LTBP1: variants seen among roughly 807,000 people sequenced by gnomAD.
LTBP1 encodes the protein latent transforming growth factor beta binding protein 1.
A neutral mutation model predicts 207.6 loss-of-function variants in LTBP1; 129 were observed. The observed-to-expected ratio is 0.62, with a 90% confidence interval of 0.54 to 0.72. The LOEUF (loss-of-function observed/expected upper bound fraction) is 0.72. LTBP1 is among the 30% of genes least tolerant of loss of function. The pLI, the probability that LTBP1 is intolerant of heterozygous loss-of-function variation, is 0.00. For synonymous variants in LTBP1, 963 were observed against 833.7 expected (o/e 1.16, Z -2.67); for missense variants, 2,281 against 2,217.2 (o/e 1.03, Z -0.58).
intron 5 of LTBP1, among the ~76,000 whole-genome samples, chr2:33,152,320 C>T (rs1031845709): frequency 6.6e-6 from 1 of 152,134 alleles, no homozygotes; most frequent in African/African-American, 2.4e-5. Context: ...AAAAAGTACT[C>T]AGCATCACTA....
rs189859198 is a variant in LTBP1 at position 33,362,131 on chromosome 2, C to G, written c.4270+616C>G. Among the ~76,000 whole-genome samples the G allele has an allele frequency of 5.9e-5, 9 of 152,264 alleles. No individual in the cohort carries two copies. In the East Asian group the frequency reaches 1.3e-3, roughly 23 times the overall value. ...ATATCCACATGTATGAATATTTCCTCATTAACCACTCACTTTTGACATTTT... is the reference window on the plus strand; with the variant it reads ...ATATCCACATGTATGAATATTTCCTGATTAACCACTCACTTTTGACATTTT... On this transcript the variant is annotated intron_variant, in intron 28 of 33. Transcript: ENST00000404816.
At chr2:33,334,247 G>A (rs1170388537) in intron 24 of LTBP1, among the ~76,000 whole-genome samples, 1 of 152,190 alleles carries the variant, frequency 6.6e-6, no homozygotes, top group Non-Finnish European at 1.5e-5. Context: ...CAATAGAGAG[G>A]GAAAGAAGGT....
At chr2:33,132,708 G>C (rs772015699) in intron 4 of LTBP1, among the ~76,000 whole-genome samples, 1 of 152,170 alleles carries the variant, frequency 6.6e-6, no homozygotes, top group South Asian at 2.1e-4. Context: ...TAGAACCACC[G>C]GTGAAGGAGA....
intron 5 of LTBP1, among the ~76,000 whole-genome samples, chr2:33,140,948 G>A (rs2150754530): frequency 6.6e-6 from 1 of 152,360 alleles, no homozygotes; most frequent in South Asian, 2.1e-4. Context: ...ACAGGCGTAA[G>A]CCACCACGCC....
intron 2 of LTBP1, among the ~76,000 whole-genome samples, chr2:33,006,462 C>T (rs904388587): frequency 1.0e-4 from 15 of 149,836 alleles, no homozygotes; most frequent in African/African-American, 3.5e-4. Context: ...TGGCTCACTG[C>T]ACCCTCCGCC....
At chr2:33,225,288 A>G (rs922458939) in intron 9 of LTBP1, among the ~76,000 whole-genome samples, 2 of 152,200 alleles carry the variant, frequency 1.3e-5, no homozygotes, top group African/African-American at 4.8e-5. Context: ...CCTATTTGAA[A>G]CTATATAACT....
chr2:33,150,710 C>CT (rs1176008947), intron 5 of LTBP1, among the ~76,000 whole-genome samples: 1,736 of 69,292 alleles, frequency 0.025, 245 homozygotes, highest in Middle Eastern at 0.068. Context: ...TTTTCTTTTT[C>CT]TTTTTTTTTT....
chr2:32,963,914 G>T (rs923839437), intron 2 of LTBP1, among the ~76,000 whole-genome samples: 6 of 152,188 alleles, frequency 3.9e-5, no homozygotes, highest in African/African-American at 1.4e-4. Flanking sequence ...CAAAAGCGAA[G>T]AATGATGAGA....
At chr2:33,390,344 T>C (rs1167486303) in intron 32 of LTBP1, among the ~76,000 whole-genome samples, 1 of 152,088 alleles carries the variant, frequency 6.6e-6, no homozygotes, top group African/African-American at 2.4e-5. Flanking sequence ...TACAGACAAT[T>C]TGAAGTCTGA....
intron 13 of LTBP1, among the ~76,000 whole-genome samples, 156 bp downstream of exon 13, chr2:33,259,766 T>G (rs1450708384): frequency 6.6e-6 from 1 of 152,172 alleles, no homozygotes; most frequent in Admixed American, 6.5e-5. Flanking sequence ...CCAAAAAAAT[T>G]TATTGAGCCA....
chr2:33,248,539 C>G (rs1322480176), intron 10 of LTBP1, among the ~76,000 whole-genome samples: 1 of 151,780 alleles, frequency 6.6e-6, no homozygotes, highest in Non-Finnish European at 1.5e-5. Context: ...GGTGACGTAA[C>G]TGCAATGGCC....
At chr2:33,151,675 C>T (rs548144581) in intron 5 of LTBP1, among the ~76,000 whole-genome samples, 4 of 152,256 alleles carry the variant, frequency 2.6e-5, no homozygotes, top group African/African-American at 9.6e-5. Context: ...TTTGTGTCCT[C>T]ATAGCTTAGC....
At chr2:33,055,946 G>A (rs1032504759) in intron 3 of LTBP1, among the ~76,000 whole-genome samples, 1 of 152,178 alleles carries the variant, frequency 6.6e-6, no homozygotes, top group African/African-American at 2.4e-5. Context: ...GCTATAGGGA[G>A]GCTAGGATAT....
At chr2:33,035,072 C>T (rs1204841600) in intron 3 of LTBP1, among the ~76,000 whole-genome samples, 3 of 152,254 alleles carry the variant, frequency 2.0e-5, no homozygotes, top group East Asian at 1.9e-4. Context: ...CTTTGGATGC[C>T]GTAGCCGACC....
chr2:33,117,266 T>G (rs2080802902), intron 4 of LTBP1, among the ~76,000 whole-genome samples: 1 of 152,186 alleles, frequency 6.6e-6, no homozygotes, highest in South Asian at 2.1e-4. Flanking sequence ...TTTCTAACTT[T>G]TATTAATACT....
At chr2:33,071,605 G>A (rs144536516) in intron 3 of LTBP1, among the ~76,000 whole-genome samples, 103 of 151,182 alleles carry the variant, frequency 6.8e-4, no homozygotes, top group Non-Finnish European at 1.1e-3. Flanking sequence ...CTAATGGAAG[G>A]AGGATAGAAT....
chr2:33,319,726 A>G (rs1281475512), intron 24 of LTBP1, among the ~76,000 whole-genome samples: 1 of 151,984 alleles, frequency 6.6e-6, no homozygotes. Context: ...TGTGCACTCT[A>G]TCCTGTTCAC....
chr2:33,346,715 T>C (rs1166382392), intron 25 of LTBP1, among the ~76,000 whole-genome samples: 3 of 151,388 alleles, frequency 2.0e-5, no homozygotes, highest in Non-Finnish European at 4.4e-5. Context: ...AGTAGAGTGT[T>C]GCGTCATTTA....
At chr2:33,203,496 G>A (rs1276502447) in intron 7 of LTBP1, among the ~76,000 whole-genome samples, 1 of 152,160 alleles carries the variant, frequency 6.6e-6, no homozygotes, top group East Asian at 1.9e-4. Context: ...CCCAGTATCT[G>A]GTCTTTACCC....
Sources: allele counts gnomAD v4.1 joint callset (sites outside exome capture counted in the v4.1 genomes callset), GRCh38; gene constraint gnomAD v4.1.1; transcripts MANE v1.5; gene names NCBI Gene and HGNC (gene_info 2026-07-23, HGNC 2026-07-21).